The following CTPS2 variants were observed in gnomAD, a reference collection of about 807,000 sequenced individuals.
CTPS2 encodes the protein CTP synthase 2.
A neutral mutation model predicts 46.8 loss-of-function variants in CTPS2; 19 were observed. That is an observed-to-expected ratio of 0.41 (90% confidence interval 0.28 to 0.60). CTPS2 has a LOEUF of 0.60. CTPS2 is among the 20% of genes least tolerant of loss of function. The pLI is 0.35. For synonymous variants in CTPS2, 151 were observed against 165.2 expected, an observed-to-expected ratio of 0.91 and a Z score of 0.66; for missense variants, 286 against 447.6, an observed-to-expected ratio of 0.64 and a Z score of 3.26.
intron 14 of CTPS2, among the ~76,000 whole-genome samples, chrX:16,632,869 C>T (rs1336672656): frequency 2.7e-5 from 3 of 110,822 alleles, no homozygotes; most frequent in African/African-American, 9.8e-5. Flanking sequence ...ATCTCTCAGC[C>T]CTCCATTTCC....
intron 17 of CTPS2, among the ~76,000 whole-genome samples, chrX:16,598,489 C>T (rs1205151542): frequency 2.7e-5 from 3 of 111,476 alleles, no homozygotes; most frequent in South Asian, 7.5e-4. Context: ...ACACATACAC[C>T]CTCCCAAGAC....
In CTPS2 at chrX:16,609,549, C is replaced by A; in HGVS notation, c.1683G>T (p.Leu561=). 1 of 1,211,212 alleles carries A rather than the reference C, an allele frequency of 8.3e-7. No homozygotes were observed. Among genetic ancestry groups the A allele is most frequent in the Non-Finnish European group, 1.1e-6 (1 of 895,100 alleles). Reference sequence around the variant, plus strand: ...AGCAGTAAGCTGGTTACCTGGAAGACAGTTTGCAACCCTGTTGCAAGTAGG... The same window carrying A: ...AGCAGTAAGCTGGTTACCTGGAAGAAAGTTTGCAACCCTGTTGCAAGTAGG... ...LNAYLQQGCK[L]SSSDRYSDAS... is the part of the protein sequence containing the mutation. The change falls in exon 17 of 19, where the codon CTG becomes CTT. Residue 561 remains leucine (L), a synonymous_variant. Transcript: ENST00000359276.
intron 4 of CTPS2, among the ~76,000 whole-genome samples, chrX:16,694,350 C>T (rs891145330): frequency 1.1e-4 from 12 of 110,576 alleles, no homozygotes; most frequent in African/African-American, 3.3e-4. Flanking sequence ...TCATCTACAG[C>T]AACCTCTTTA....
chrX:16,710,763 T>A (rs748491935), intron 1 of CTPS2, among the ~76,000 whole-genome samples: 3 of 111,374 alleles, frequency 2.7e-5, no homozygotes, highest in South Asian at 7.5e-4. Flanking sequence ...GGACTACAGG[T>A]GCATGCCACC....
intron 14 of CTPS2, chrX:16,627,063 C>G (rs1319380894): frequency 1.8e-5 from 2 of 113,920 alleles, no homozygotes; most frequent in African/African-American, 6.5e-5. Context: ...ACGGCAAAAA[C>G]CGCAATTACT....
At chrX:16,592,545 C>T (rs1338500242) in intron 17 of CTPS2, among the ~76,000 whole-genome samples, 12 of 111,565 alleles carry the variant, frequency 1.1e-4, no homozygotes, top group Non-Finnish European at 1.9e-4. Context: ...CTCCTCATTA[C>T]GGAGGAACTA....
intron 14 of CTPS2, among the ~76,000 whole-genome samples, chrX:16,637,989 C>G (rs1364696999): frequency 2.7e-5 from 3 of 111,857 alleles, no homozygotes; most frequent in Non-Finnish European, 5.6e-5. Flanking sequence ...GGCGTGGTGA[C>G]TCACGCCTGT....
chrX:16,648,059 C>T lies in CTPS2; in HGVS notation c.1297-8816G>A, dbSNP rs145586583. On this transcript the variant is annotated intron_variant, in intron 13 of 18. Transcript: ENST00000359276. ...TTGAGGCTGCAGTGAGCTGTGTTCA[C>T]GCCACTGCACTCCAACCTGAGTGAC... 3.8e-4 allele frequency among the ~76,000 whole-genome samples: 42 copies of T among 111,657 alleles called. No individual in the cohort carries two copies. In the East Asian group the frequency reaches 0.01, roughly 27 times the overall value.
At chrX:16,672,909 C>T (rs1453525616) in intron 10 of CTPS2, among the ~76,000 whole-genome samples, 3 of 67,596 alleles carry the variant, frequency 4.4e-5, no homozygotes, top group Admixed American at 4.3e-4. Context: ...TTTTTTGAGA[C>T]GGAGTCTCGC....
chrX:16,692,377 G>A (rs1402175333), intron 6 of CTPS2, among the ~76,000 whole-genome samples: 2 of 110,886 alleles, frequency 1.8e-5, no homozygotes, highest in Non-Finnish European at 3.8e-5. Context: ...TGAGGTGGGA[G>A]AATCACTTCA....
In CTPS2 at chrX:16,702,809, G is replaced by T; in HGVS notation, c.94C>A (p.Leu32Ile). The change falls in exon 2 of 19, where the codon CTC becomes ATC. Residue 32 changes from leucine to isoleucine, a missense_variant. Leu to Ile is a conservative substitution (Grantham distance 5). Coordinates refer to ENST00000359276, the MANE Select transcript of CTPS2 (RefSeq NM_175859.3). The part of the protein sequence containing the change: ...SIGTILKSCG[L>I]RVTAIKIDPY... ...TCGATTTTTATGGCAGTAACTCGGA[G>T]TCCACATGATTTTAGAATCGTTCCA... 2 of 1,210,084 alleles carry T rather than the reference G, an allele frequency of 1.7e-6. No homozygotes were observed. Among genetic ancestry groups the T allele is most frequent in the Non-Finnish European group, 2.2e-6 (2 of 894,388 alleles).
intron 13 of CTPS2, among the ~76,000 whole-genome samples, chrX:16,643,952 A>C (rs1450457526): frequency 9.0e-6 from 1 of 111,336 alleles, no homozygotes; most frequent in Admixed American, 9.6e-5. Context: ...TTACTGCCTC[A>C]TAATTAATGC....
At chrX:16,607,948 C>T (rs941811133) in intron 17 of CTPS2, among the ~76,000 whole-genome samples, 6 of 113,138 alleles carry the variant, frequency 5.3e-5, no homozygotes, top group South Asian at 7.1e-4. Flanking sequence ...CGGAGGCTCA[C>T]GCCTACAATC....
At position 16,693,365 on chromosome X, in the gene CTPS2, G is replaced by A; in HGVS notation, c.555+6C>T. 1 of 1,165,406 alleles carries A rather than the reference G, an allele frequency of 8.6e-7. No individual in the cohort carries two copies. On this transcript the variant is annotated splice_donor_region_variant and intron_variant, in intron 5 of 18. Coordinates refer to ENST00000359276, the MANE Select transcript of CTPS2 (RefSeq NM_175859.3). ...TGCTGTCCACATACTTATCTGGAAA[G>A]CCCACCTGTGGGACAAGGCTAACGT...
intron 13 of CTPS2, among the ~76,000 whole-genome samples, chrX:16,640,722 C>T (rs1932037855): frequency 9.0e-6 from 1 of 111,604 alleles, no homozygotes; most frequent in African/African-American, 3.3e-5. Flanking sequence ...GGTGAGTCGA[C>T]CTGTTCTAAT....
intron 14 of CTPS2, among the ~76,000 whole-genome samples, chrX:16,632,566 C>T (rs1931534625): frequency 9.1e-6 from 1 of 110,054 alleles, no homozygotes; most frequent in Non-Finnish European, 1.9e-5. Flanking sequence ...GGACTACAGG[C>T]ACACACCACA....
At chrX:16,602,253 C>A (rs1045136975) in intron 17 of CTPS2, among the ~76,000 whole-genome samples, 1 of 111,459 alleles carries the variant, frequency 9.0e-6, no homozygotes, top group South Asian at 3.7e-4. Context: ...TGTGCGCTTG[C>A]AGGTCTGTGC....
At chrX:16,642,310 G>C (rs184417138) in intron 13 of CTPS2, among the ~76,000 whole-genome samples, 296 of 111,874 alleles carry the variant, frequency 2.6e-3, no homozygotes, top group African/African-American at 9.0e-3. Context: ...AACCAGTGGA[G>C]AAGGCAAAAA....
chrX:16,702,763 G>C lies in CTPS2; in HGVS notation c.140C>G (p.Ala47Gly). 8.3e-7 allele frequency: 1 copy of C among 1,210,688 alleles called. No homozygotes were observed. The highest frequency in any genetic ancestry group is 1.1e-6 in the Non-Finnish European group (1 of 894,884). The change falls in exon 2 of 19, where the codon GCT (alanine) becomes GGT (glycine). Residue 47 changes from alanine to glycine, a missense_variant. Transcript: ENST00000359276. The part of the protein sequence containing the change: ...IKIDPYINID[A>G]GTFSPYEHGE... ...GTGTTCATAAGGTGAAAAAGTGCCA[G>C]CATCGATGTTAATATAGGGGTCGAT... is the stretch of plus-strand genomic sequence containing the variant.
Sources: allele counts gnomAD v4.1 joint callset (sites outside exome capture counted in the v4.1 genomes callset), GRCh38; gene constraint gnomAD v4.1.1; transcripts MANE v1.5; gene names NCBI Gene and HGNC (gene_info 2026-07-23, HGNC 2026-07-21).